SNX25: variants seen among roughly 807,000 people sequenced by gnomAD.
The protein encoded by SNX25 is sorting nexin 25.
A neutral mutation model predicts 113.7 loss-of-function variants in SNX25; 62 were observed. The ratio of observed to expected loss-of-function variants is 0.55; its 90% confidence interval spans 0.44 to 0.67. The LOEUF (loss-of-function observed/expected upper bound fraction) is 0.67. Among genes scored for constraint, SNX25 ranks in the 30% least tolerant of loss-of-function variants. SNX25 has a pLI of 0.00. For synonymous variants in SNX25, 421 were observed against 436.2 expected (o/e 0.97, Z 0.43); for missense variants, 1,014 against 1,161.0 (o/e 0.87, Z 1.84).
chr4:185,273,704 T>C (rs1462967706), intron 5 of SNX25, among the ~76,000 whole-genome samples: 1 of 152,190 alleles, frequency 6.6e-6, no homozygotes, highest in Non-Finnish European at 1.5e-5. Flanking sequence ...GTAACCACCA[T>C]TCTACTCTCT....
At chr4:185,237,797 T>C (rs1448372278) in intron 1 of SNX25, among the ~76,000 whole-genome samples, 3 of 151,900 alleles carry the variant, frequency 2.0e-5, no homozygotes, top group African/African-American at 4.8e-5. Flanking sequence ...GGTTGGTTGC[T>C]CGTGCCTGTA....
At chr4:185,301,866 C>T (rs751310564) in intron 6 of SNX25, among the ~76,000 whole-genome samples, 18 of 145,414 alleles carry the variant, frequency 1.2e-4, no homozygotes, top group African/African-American at 1.8e-4. Context: ...GGATTACAGG[C>T]GTGACCCACC....
intron 9 of SNX25, among the ~76,000 whole-genome samples, chr4:185,328,886 C>G (rs762664612): frequency 6.6e-6 from 1 of 151,950 alleles, no homozygotes; most frequent in Non-Finnish European, 1.5e-5. Flanking sequence ...GGCTTGGGGG[C>G]AGGAGGGGCC....
chr4:185,342,862 G>C (rs1378630261), intron 12 of SNX25, among the ~76,000 whole-genome samples: 1 of 152,040 alleles, frequency 6.6e-6, no homozygotes, highest in Non-Finnish European at 1.5e-5. Context: ...GTGTGACCTG[G>C]AATTTATTTA....
chr4:185,235,344 G>A (rs1338743580), intron 1 of SNX25, among the ~76,000 whole-genome samples: 2 of 152,156 alleles, frequency 1.3e-5, no homozygotes, highest in Non-Finnish European at 2.9e-5. Flanking sequence ...AGTACCCCTC[G>A]GGAATAGAAG....
chr4:185,344,044 C>A (rs530253919), intron 12 of SNX25, among the ~76,000 whole-genome samples: 1 of 151,942 alleles, frequency 6.6e-6, no homozygotes, highest in African/African-American at 2.4e-5. Flanking sequence ...CATGGTGAAA[C>A]CCCCATCTCT....
chr4:185,292,519 C>T (rs1302102265), intron 6 of SNX25, among the ~76,000 whole-genome samples: 3 of 152,316 alleles, frequency 2.0e-5, no homozygotes, highest in South Asian at 2.1e-4. Context: ...CTGCCTCAGC[C>T]TCCCAAGTAG....
rs750407970 is a variant in SNX25, at chr4:185,351,589, G to A, written c.2446G>A (p.Asp816Asn). The A allele has an allele frequency of 2.5e-6, 4 of 1,613,810 alleles. No individual in the cohort carries two copies. Among genetic ancestry groups the A allele is most frequent in the African/African-American group, 1.3e-5 (1 of 74,890 alleles). ...CTCATTTTTGGAAAGACTTCCTCGCGACTTCTTCTCCCACCAGGAGGTGAG... is the reference window on the plus strand; with the variant it reads ...CTCATTTTTGGAAAGACTTCCTCGCAACTTCTTCTCCCACCAGGAGGTGAG... ...LSSFLERLPR[D>N]FFSHQEEETE... The change falls in exon 14 of 19, where the codon GAC becomes AAC. Residue 816 changes from aspartate (D) to asparagine (N), a missense_variant. Asp to Asn is a conservative substitution (Grantham distance 23). Coordinates refer to ENST00000652585, the MANE Select transcript of SNX25 (RefSeq NM_001378034.2).
At chr4:185,259,662 A>G (rs1438099476) in intron 3 of SNX25, among the ~76,000 whole-genome samples, 1 of 152,182 alleles carries the variant, frequency 6.6e-6, no homozygotes, top group Admixed American at 6.5e-5. Flanking sequence ...AGTAGCTAAT[A>G]TTTAGGCTTG....
chr4:185,237,031 AAAG>A (rs1318030553), intron 1 of SNX25, among the ~76,000 whole-genome samples: 1 of 152,212 alleles, frequency 6.6e-6, no homozygotes, highest in African/African-American at 2.4e-5. Flanking sequence ...AACAGTTTAA[AAAG>A]AAATTATAGC....
At chr4:185,328,005 C>T (rs950570520) in intron 9 of SNX25, among the ~76,000 whole-genome samples, 2 of 152,124 alleles carry the variant, frequency 1.3e-5, no homozygotes, top group Non-Finnish European at 1.5e-5. Flanking sequence ...GTTTTAGTCT[C>T]GTGAACTGAA....
chr4:185,240,157 T>A (rs1447722838), intron 1 of SNX25, among the ~76,000 whole-genome samples: 1 of 151,942 alleles, frequency 6.6e-6, no homozygotes, highest in African/African-American at 2.4e-5. Flanking sequence ...AAGTCTCCCA[T>A]GTCTACCTCT....
At chr4:185,243,764 A>G (rs1485976660) in intron 1 of SNX25, among the ~76,000 whole-genome samples, 1 of 152,244 alleles carries the variant, frequency 6.6e-6, no homozygotes, top group Non-Finnish European at 1.5e-5. Flanking sequence ...TGCATGTTAC[A>G]TGTAAGTATG....
chr4:185,223,418 C>G (rs1740312420), intron 1 of SNX25, among the ~76,000 whole-genome samples: 1 of 152,122 alleles, frequency 6.6e-6, no homozygotes, highest in African/African-American at 2.4e-5. Flanking sequence ...TCTGTGTGCT[C>G]TGTGTCCTGC....
In SNX25 at chr4:185,341,923, T is replaced by C. The variant is rs146057954; in HGVS notation, c.2047-53T>C. On this transcript the variant is annotated intron_variant, in intron 11 of 18. Transcript: ENST00000652585. ...GGGGGACACTTACAGATCTTCCTTC[T>C]GCATCCATTCACCATGCTTTTTGTA... 3.9e-3 allele frequency: 5,947 copies of C among 1,540,916 alleles called. 13 individuals are homozygous for C. Among genetic ancestry groups the C allele is most frequent in the Non-Finnish European group, 4.8e-3 (5,462 of 1,144,550 alleles).
chr4:185,290,949 T>C (rs1342639616), intron 6 of SNX25, among the ~76,000 whole-genome samples: 4 of 152,208 alleles, frequency 2.6e-5, no homozygotes, highest in Non-Finnish European at 5.9e-5. Flanking sequence ...TCAGGAATTC[T>C]CATGGGTTTA....
intron 15 of SNX25, among the ~76,000 whole-genome samples, chr4:185,355,723 T>G (rs2095335873): frequency 6.6e-6 from 1 of 152,258 alleles, no homozygotes; most frequent in African/African-American, 2.4e-5. Context: ...TATACAGTGA[T>G]GTTTAACTTG....
chr4:185,219,689 G>T (rs1449102002), intron 1 of SNX25, among the ~76,000 whole-genome samples: 2 of 152,194 alleles, frequency 1.3e-5, no homozygotes, highest in African/African-American at 2.4e-5. Flanking sequence ...ATCTGGCTCA[G>T]ACTGGCTGCT....
At chr4:185,226,509 G>A (rs1169094662) in intron 1 of SNX25, among the ~76,000 whole-genome samples, 1 of 152,206 alleles carries the variant, frequency 6.6e-6, no homozygotes, top group African/African-American at 2.4e-5. Flanking sequence ...GGGGTGCAGT[G>A]GCACAATTAT....
Sources: gnomAD v4.1 joint callset for allele counts (sites outside exome capture counted in the v4.1 genomes callset) on GRCh38, gnomAD v4.1.1 for gene constraint, MANE v1.5 for transcripts, NCBI Gene and HGNC (gene_info 2026-07-23, HGNC 2026-07-21) for gene names.